Variants in KIAA1549 observed in about 807,000 individuals in gnomAD.
KIAA1549 encodes the protein KIAA1549, also known as UPF0606 protein KIAA1549.
A neutral mutation model predicts 156.4 loss-of-function variants in KIAA1549; 70 were observed. The ratio of observed to expected loss-of-function variants is 0.45; its 90% CI spans 0.37 to 0.55. The LOEUF is 0.55. Among genes scored for constraint, KIAA1549 ranks in the 20% least tolerant of loss-of-function variants. The probability of loss-of-function intolerance (pLI) is 0.00; values close to 1 mark genes in which losing one functional copy is unlikely to be tolerated. For synonymous variants in KIAA1549, 1,103 were observed against 1,066.4 expected (o/e 1.03, Z -0.67); for missense variants, 2,428 against 2,540.9 (o/e 0.96, Z 0.96).
chr7:138,859,715 T>C (rs118009678), intron 16 of KIAA1549, among the ~76,000 whole-genome samples: 270 of 152,328 alleles, frequency 1.8e-3, no homozygotes, highest in Non-Finnish European at 3.4e-3. Context: ...TCACTTCTCA[T>C]TGACCCCTGT....
At chr7:138,922,947 G>A (rs1308869094) in intron 1 of KIAA1549, among the ~76,000 whole-genome samples, 1 of 151,814 alleles carries the variant, frequency 6.6e-6, no homozygotes. Context: ...AAATCCCAAG[G>A]AGGGTGAATT....
At chr7:138,925,079 C>T (rs754289930) in intron 1 of KIAA1549, among the ~76,000 whole-genome samples, 3 of 152,142 alleles carry the variant, frequency 2.0e-5, no homozygotes, top group Non-Finnish European at 4.4e-5. Flanking sequence ...GGCACCTGCA[C>T]CTCGCCCTGG....
intron 1 of KIAA1549, among the ~76,000 whole-genome samples, chr7:138,970,595 G>A (rs1365854729): frequency 6.6e-6 from 1 of 152,228 alleles, no homozygotes; most frequent in Non-Finnish European, 1.5e-5. Context: ...GTCACCTGGA[G>A]GTGCTTTCAA....
At chr7:138,923,746 G>T (rs1365610434) in intron 1 of KIAA1549, among the ~76,000 whole-genome samples, 1 of 152,164 alleles carries the variant, frequency 6.6e-6, no homozygotes, top group Non-Finnish European at 1.5e-5. Context: ...CTATAAGAGG[G>T]ACAGCCAGAG....
chr7:138,938,247 T>C (rs542739292), intron 1 of KIAA1549, among the ~76,000 whole-genome samples: 2 of 152,318 alleles, frequency 1.3e-5, no homozygotes, highest in African/African-American at 4.8e-5. Context: ...TCCAGAACTG[T>C]GAGTGATAAT....
chr7:138,910,236 T>C (rs1369050185), intron 4 of KIAA1549, among the ~76,000 whole-genome samples: 1 of 151,882 alleles, frequency 6.6e-6, no homozygotes. Context: ...TTATAAACAC[T>C]TTTAAAAGTT....
In KIAA1549 at chr7:138,918,056, CA is replaced by C; in HGVS notation, c.1569del (p.Ala524ProfsTer25). 6.2e-7 allele frequency: 1 copy of C among 1,612,882 alleles called. No homozygotes were observed. Among genetic ancestry groups the C allele is most frequent in the Non-Finnish European group, 8.5e-7 (1 of 1,179,436 alleles). ...MSSVTTTQVP[P>X]AHGRLSVPAS... Reference sequence around the variant, plus strand: ...GCCGGCACAGAGAGGCGGCCGTGGGCAGGGGGAACCTGTGTGGTTGTAACAC... The same window carrying C: ...GCCGGCACAGAGAGGCGGCCGTGGGCGGGGGAACCTGTGTGGTTGTAACAC... On this transcript the variant is annotated frameshift_variant, in exon 2 of 20. Coordinates refer to ENST00000422774, the MANE Select transcript of KIAA1549 (RefSeq NM_001164665.2). LOFTEE classifies it high-confidence loss of function. This position sits in a 1 kb window ranked among gnomAD's most constrained non-coding sequence, Gnocchi z 4.2.
In KIAA1549 at chr7:138,840,205, T is replaced by C. The variant is rs1253835193; in HGVS notation, c.5526A>G (p.Pro1842=). 1 of 1,574,924 alleles carries C rather than the reference T, an allele frequency of 6.3e-7. No homozygotes were observed. Among genetic ancestry groups the C allele is most frequent in the Non-Finnish European group, 8.6e-7 (1 of 1,160,368 alleles). Residue 1842 remains proline (P), a synonymous_variant, in exon 19 of 20, where the codon CCA becomes CCG. Transcript: ENST00000422774. The stretch of plus-strand genomic sequence containing the variant: ...GCCCCCCATACTGGCTGCCTCTGCT[T>C]GGCGGGATTTCCACTGGCTGAGCTC... ...RIGAQPVEIP[P]SRGSQYGGPG... is the part of the protein sequence containing the mutation.
intron 16 of KIAA1549, among the ~76,000 whole-genome samples, chr7:138,859,612 C>G (rs956688192): frequency 3.3e-4 from 50 of 152,186 alleles, no homozygotes; most frequent in African/African-American, 1.2e-3. Flanking sequence ...ATTTCTTCAA[C>G]TCAGGGAGAC....
intron 10 of KIAA1549, among the ~76,000 whole-genome samples, chr7:138,882,587 A>G (rs1462948201): frequency 1.3e-5 from 2 of 152,204 alleles, no homozygotes; most frequent in Non-Finnish European, 2.9e-5. Flanking sequence ...GTTTTTCAAC[A>G]TAAATACAGA....
chr7:138,878,302 C>T (rs1811143585), intron 12 of KIAA1549, among the ~76,000 whole-genome samples: 2 of 151,940 alleles, frequency 1.3e-5, no homozygotes, highest in South Asian at 4.2e-4. Flanking sequence ...CCCACAGGAG[C>T]CTCAAAGGCT....
At chr7:138,859,008 A>AACACACACACACAC (rs57352970) in intron 16 of KIAA1549, among the ~76,000 whole-genome samples, 11 of 142,360 alleles carry the variant, frequency 7.7e-5, no homozygotes, top group Non-Finnish European at 1.2e-4. Context: ...TCCATCTCAA[A>AACACACACACACAC]ACACACACAC....
At chr7:138,955,257 A>G (rs1413021484) in intron 1 of KIAA1549, among the ~76,000 whole-genome samples, 3 of 152,246 alleles carry the variant, frequency 2.0e-5, no homozygotes, top group African/African-American at 7.2e-5. Context: ...TGGCTGATGA[A>G]TGAATAAACA....
chr7:138,941,656 G>A (rs1054219749), intron 1 of KIAA1549, among the ~76,000 whole-genome samples: 10 of 152,264 alleles, frequency 6.6e-5, no homozygotes, highest in African/African-American at 9.6e-5. Flanking sequence ...AATGCCTTCC[G>A]CATAATCACT....
chr7:138,868,299 T>C (rs1469798324), intron 14 of KIAA1549, among the ~76,000 whole-genome samples, 171 bp from the exon 15 acceptor site: 1 of 152,192 alleles, frequency 6.6e-6, no homozygotes. Context: ...GCTCAGAGCA[T>C]ACCTAAACAG....
At chr7:138,894,002 G>A (rs6467816) in intron 10 of KIAA1549, among the ~76,000 whole-genome samples, 28,352 of 152,188 alleles carry the variant, frequency 0.19, 4,736 homozygotes, top group African/African-American at 0.45. Flanking sequence ...CCCAGGAGGC[G>A]GAGGCTGCAG....
intron 1 of KIAA1549, among the ~76,000 whole-genome samples, chr7:138,923,885 T>A (rs1812635766): frequency 6.6e-6 from 1 of 152,248 alleles, no homozygotes; most frequent in South Asian, 2.1e-4. Context: ...TTCTAGCTGG[T>A]TCTCCTAGCA....
rs1812445075 is a variant in KIAA1549, at chr7:138,918,906, C to G, written c.720G>C (p.Glu240Asp). 1.2e-6 allele frequency: 2 copies of G among 1,614,002 alleles called. No individual in the cohort carries two copies. The highest frequency in any genetic ancestry group is 1.7e-6 in the Non-Finnish European group (2 of 1,179,896). Reference protein sequence around the residue: ...HTFRSAFRTSEGIVPTPGRNL... With the variant: ...HTFRSAFRTSDGIVPTPGRNL... ...TCCTGCCAGGAGTTGGAACGATGCC[C>G]TCAGAGGTGCGAAAAGCTGACCGAA... Residue 240 changes from glutamate (E) to aspartate (D), a missense_variant, in exon 2 of 20, where the codon GAG becomes GAC. Coordinates refer to ENST00000422774, the MANE Select transcript of KIAA1549 (RefSeq NM_001164665.2). This position sits in a 1 kb window ranked among gnomAD's most constrained non-coding sequence, Gnocchi z 4.2.
chr7:138,864,840 G>A (rs1461293002), intron 15 of KIAA1549, among the ~76,000 whole-genome samples: 4 of 152,196 alleles, frequency 2.6e-5, no homozygotes, highest in African/African-American at 9.6e-5. Flanking sequence ...TAGGTTTTAT[G>A]AGTCATATAG....
Sources: gnomAD v4.1 joint callset for allele counts (sites outside exome capture counted in the v4.1 genomes callset) on GRCh38, gnomAD v4.1.1 for gene constraint, Gnocchi (gnomAD v3.1) non-coding constraint, MANE v1.5 for transcripts, NCBI Gene and HGNC (gene_info 2026-07-23, HGNC 2026-07-21) for gene names.